KLHL18: variants seen among roughly 807,000 people sequenced by gnomAD.
The protein encoded by KLHL18 is kelch-like protein 18.
In KLHL18, 38 loss-of-function variants were observed where a neutral mutation model predicts 58.5. The ratio of observed to expected loss-of-function variants is 0.65; its 90% CI spans 0.50 to 0.85. The LOEUF (loss-of-function observed/expected upper bound fraction) is 0.85, where lower values mean the gene tolerates loss of function less well. Ranked by LOEUF, KLHL18 falls within the 40% of genes least tolerant of loss-of-function variation. KLHL18 has a pLI of 0.00. For synonymous variants in KLHL18, 303 were observed against 301.9 expected, an observed-to-expected ratio of 1.00 and a Z score of -0.04; for missense variants, 624 against 778.4, an observed-to-expected ratio of 0.80 and a Z score of 2.36.
In KLHL18 at chr3:47,343,741, C is replaced by CT; in HGVS notation, c.1525_1526insT (p.Pro509LeufsTer37). 6.2e-7 allele frequency: 1 copy of CT among 1,614,190 alleles called. No homozygotes were observed. Among genetic ancestry groups the CT allele is most frequent in the Non-Finnish European group, 8.5e-7 (1 of 1,180,040 alleles). On this transcript the variant is annotated frameshift_variant, in exon 10 of 10. Coordinates refer to ENST00000232766, the MANE Select transcript of KLHL18 (RefSeq NM_025010.5). LOFTEE classifies it high-confidence loss of function. ...GGCAGACCAGTGGTGCCTGATTGTCCCCATGCACACGCGCAGGAGCCGGGT... is the reference window on the plus strand; with the variant it reads ...GGCAGACCAGTGGTGCCTGATTGTCCTCCATGCACACGCGCAGGAGCCGGGT...
rs372280429 is a variant in KLHL18, at chr3:47,342,894, A to T, written c.1338+64A>T. ...CTGTCTTTGAGATTTATTTTAGAAG[A>T]TCATTATTTGAAAAAACTTCAGCCT... is the stretch of plus-strand genomic sequence containing the variant. On this transcript the variant is annotated intron_variant, in intron 9 of 9. Transcript: ENST00000232766. 7.7e-6 allele frequency: 10 copies of T among 1,301,092 alleles called. No homozygotes were observed. In the African/African-American group the frequency reaches 1.3e-4, roughly 17 times the overall value. The allele number at this position is 1,301,092 out of a possible 1,614,324, so 80.6% of individuals were successfully genotyped here. A position where few individuals can be genotyped will look rare whatever the true frequency, so the allele number is the denominator to read the frequency against.
At chr3:47,319,189 C>T (rs901615275) in intron 1 of KLHL18, among the ~76,000 whole-genome samples, 16 of 152,148 alleles carry the variant, frequency 1.1e-4, no homozygotes, top group Non-Finnish European at 1.9e-4. Context: ...CCCCTGCCTC[C>T]GGCCCAGTCA....
In KLHL18 at chr3:47,340,629, C is replaced by T. The variant is rs138934557; in HGVS notation, c.1179C>T (p.Gly393=). The T allele has an allele frequency of 1.5e-4, 246 of 1,613,994 alleles. 2 individuals are homozygous for T. The Middle Eastern group carries it at 5.6e-3, about 37-fold the overall frequency. Residue 393 remains glycine (G), a synonymous_variant, in exon 8 of 10, where the codon GGC becomes GGT. Transcript: ENST00000232766. ...GQIYVCGGYD[G]NSSLSSVETY... The stretch of plus-strand genomic sequence containing the variant: ...TCTACGTCTGTGGGGGCTACGATGG[C>T]AACTCTTCCCTCAGCTCCGTGGAGA...
intron 1 of KLHL18, among the ~76,000 whole-genome samples, chr3:47,285,546 G>A (rs908279703): frequency 4.0e-5 from 6 of 150,332 alleles, no homozygotes; most frequent in Admixed American, 2.0e-4. Context: ...GCAAAACCCC[G>A]TCTCTATTGG....
rs1703945743 is a variant in KLHL18 at position 47,334,754 on chromosome 3, C to T, written c.833C>T (p.Thr278Ile). The T allele has an allele frequency of 6.2e-7, 1 of 1,614,176 alleles. No homozygotes were observed. The highest frequency in any genetic ancestry group is 8.5e-7 in the Non-Finnish European group (1 of 1,180,022). The change falls in exon 6 of 10, where the codon ACC becomes ATC. Residue 278 changes from threonine to isoleucine, a missense_variant. Transcript: ENST00000232766. The surrounding 1 kb of genome is among the most constrained non-coding windows in gnomAD (Gnocchi z 4.7). ...ERRPHLPAFR[T>I]RPRCCTSIAG... ...CGGCCCCACCTGCCAGCTTTCAGAACCCGGCCACGCTGCTGCACATCCATC... is the reference window on the plus strand; with the variant it reads ...CGGCCCCACCTGCCAGCTTTCAGAATCCGGCCACGCTGCTGCACATCCATC...
Position 47,340,695 on chromosome 3 carries a change from T to C in KLHL18, c.1226+19T>C. Reference sequence around the variant, plus strand: ...CGGACAAGTAAGGACTCCAGCTCCCTTGGGGCAACTGGAGCTTATAAACAG... The same window carrying C: ...CGGACAAGTAAGGACTCCAGCTCCCCTGGGGCAACTGGAGCTTATAAACAG... On this transcript the variant is annotated intron_variant, in intron 8 of 9. Transcript: ENST00000232766. 6.2e-7 allele frequency: 1 copy of C among 1,613,574 alleles called. No individual in the cohort carries two copies. The highest frequency in any genetic ancestry group is 1.1e-5 in the South Asian group (1 of 91,036).
In KLHL18 at chr3:47,321,121, G is replaced by C. The variant is rs181681799; in HGVS notation, c.260+1338G>C. ...AGCTCTATCAAATATCTGAGGTATA[G>C]CAGTGAGAAAACAGCACCTCTTCTC... On this transcript the variant is annotated intron_variant, in intron 2 of 9. Coordinates refer to ENST00000232766, the MANE Select transcript of KLHL18 (RefSeq NM_025010.5). Among the ~76,000 whole-genome samples, 20 of 152,200 alleles carry C rather than the reference G, an allele frequency of 1.3e-4. No homozygotes were observed. In the East Asian group the frequency reaches 2.9e-3, roughly 22 times the overall value.
chr3:47,316,540 C>CATATATACATATATATGT, intron 1 of KLHL18, among the ~76,000 whole-genome samples: 1 of 3,064 alleles, frequency 3.3e-4, no homozygotes, highest in African/African-American at 3.7e-4. Context: ...TATATATATA[C>CATATATACATATATATGT]ATATATACAT....
At chr3:47,322,502 C>T in intron 2 of KLHL18, 66 bp from the exon 3 acceptor site, 2 of 1,463,242 alleles carry the variant, frequency 1.4e-6, no homozygotes, top group South Asian at 2.9e-5. Flanking sequence ...TCAGTTAGGG[C>T]CTGAGTCTCC....
chr3:47,297,226 A>G (rs1702916139), intron 1 of KLHL18, among the ~76,000 whole-genome samples: 1 of 152,022 alleles, frequency 6.6e-6, no homozygotes, highest in Admixed American at 6.6e-5. Flanking sequence ...GCTATCGAAA[A>G]CTGCAGACTG....
intron 5 of KLHL18, 116 bp downstream of exon 5, chr3:47,333,433 GCA>G: frequency 9.8e-7 from 1 of 1,020,208 alleles, no homozygotes; most frequent in South Asian, 1.7e-5. Context: ...CTAATTCATG[GCA>G]CACAGATTGG....
chr3:47,319,042 G>A (rs1454466457), intron 1 of KLHL18, among the ~76,000 whole-genome samples: 1 of 152,228 alleles, frequency 6.6e-6, no homozygotes, highest in Non-Finnish European at 1.5e-5. Context: ...CAGATAGTTG[G>A]AAAACACTTT....
rs1367838144 is a variant in KLHL18 at position 47,333,249 on chromosome 3, C to T, written c.693C>T (p.Leu231=). ...TGCTGTCCAATATCCGCCTGCCCCT[C>T]TGTCGGCCCCAGTTCCTTTCAGACA... is the stretch of plus-strand genomic sequence containing the variant. ...PELLSNIRLP[L]CRPQFLSDRV... Residue 231 remains leucine, a synonymous_variant, in exon 5 of 10, where the codon CTC becomes CTT. Coordinates refer to ENST00000232766, the MANE Select transcript of KLHL18 (RefSeq NM_025010.5). 1.2e-6 allele frequency: 2 copies of T among 1,614,126 alleles called. No individual in the cohort carries two copies. The highest frequency in any genetic ancestry group is 2.7e-5 in the African/African-American group (2 of 74,946).
chr3:47,300,803 T>C (rs1181534044), intron 1 of KLHL18, among the ~76,000 whole-genome samples: 1 of 151,940 alleles, frequency 6.6e-6, no homozygotes, highest in Admixed American at 6.6e-5. Context: ...TATGCCTGGC[T>C]AATTTTTGTA....
rs951340492 is a variant in KLHL18 at position 47,333,375 on chromosome 3, T to A, written c.761+58T>A. On this transcript the variant is annotated intron_variant, in intron 5 of 9. Coordinates refer to ENST00000232766, the MANE Select transcript of KLHL18 (RefSeq NM_025010.5). ...CAAAGGTCTAAGCAGGGAAGAGGAG[T>A]TGGCCACCTGTTCCAGTTCTGGAAA... 4.6e-6 allele frequency: 7 copies of A among 1,515,036 alleles called. No homozygotes were observed. In the African/African-American group the frequency reaches 8.3e-5, roughly 18 times the overall value. The allele number at this position is 1,515,036 out of a possible 1,614,324, so 93.8% of individuals were successfully genotyped here.
chr3:47,318,541 A>G (rs1296331830), intron 1 of KLHL18, among the ~76,000 whole-genome samples: 1 of 152,194 alleles, frequency 6.6e-6, no homozygotes, highest in Non-Finnish European at 1.5e-5. Flanking sequence ...TGTAAATACC[A>G]AGAGTGAGCA....
chr3:47,342,091 T>TA (rs968302202), intron 8 of KLHL18, among the ~76,000 whole-genome samples: 8 of 150,510 alleles, frequency 5.3e-5, no homozygotes, highest in African/African-American at 1.7e-4. Flanking sequence ...GTCTCAAAAA[T>TA]AAAAAAAAAT....
intron 1 of KLHL18, among the ~76,000 whole-genome samples, chr3:47,318,193 T>C (rs1281831382): frequency 1.3e-5 from 2 of 152,296 alleles, no homozygotes; most frequent in South Asian, 2.1e-4. Flanking sequence ...AAAACAAGTA[T>C]TTATTATCTC....
intron 1 of KLHL18, 90 bp from the exon 2 acceptor site, chr3:47,319,563 C>A: frequency 7.0e-7 from 1 of 1,424,522 alleles, no homozygotes; most frequent in East Asian, 2.3e-5. Context: ...TGCTGTGGAG[C>A]CGGGCGGAGG....
Sources: allele counts gnomAD v4.1 joint callset (sites outside exome capture counted in the v4.1 genomes callset), GRCh38; gene constraint gnomAD v4.1.1; non-coding constraint Gnocchi (gnomAD v3.1); transcripts MANE v1.5; gene names NCBI Gene and HGNC (gene_info 2026-07-23, HGNC 2026-07-21).